Variants in CDH13 observed in about 807,000 individuals in gnomAD.
CDH13 encodes cadherin 13.
A neutral mutation model predicts 63.8 loss-of-function variants in CDH13; 24 were observed. That is an observed-to-expected ratio of 0.38 (90% CI 0.27 to 0.53). The LOEUF (loss-of-function observed/expected upper bound fraction) is 0.53, where lower values mean the gene tolerates loss of function less well. Among genes scored for constraint, CDH13 ranks in the 20% least tolerant of loss-of-function variants. The pLI, the probability that CDH13 is intolerant of heterozygous loss-of-function variation, is 0.85. For synonymous variants in CDH13, 503 were observed against 355.3 expected, an observed-to-expected ratio of 1.42 and a Z score of -4.67; for missense variants, 1,049 against 903.1, an observed-to-expected ratio of 1.16 and a Z score of -2.07.
chr16:83,145,982 T>C (rs1597414139), intron 4 of CDH13, among the ~76,000 whole-genome samples: 1 of 151,842 alleles, frequency 6.6e-6, no homozygotes, highest in Non-Finnish European at 1.5e-5. Context: ...TTACCTGAGG[T>C]CGGGAGTTCG....
chr16:83,117,300 A>T (rs988424174), intron 3 of CDH13, among the ~76,000 whole-genome samples: 1 of 152,104 alleles, frequency 6.6e-6, no homozygotes, highest in Non-Finnish European at 1.5e-5. Flanking sequence ...TGCCCACGCC[A>T]GCAGCTGCCA....
At chr16:83,256,845 A>C (rs1320904238) in intron 5 of CDH13, among the ~76,000 whole-genome samples, 1 of 3,584 alleles carries the variant, frequency 2.8e-4, no homozygotes, top group East Asian at 0.015. Flanking sequence ...ACTCCATCTC[A>C]AAAAAAAAAA....
chr16:83,054,803 G>C (rs916450616), intron 3 of CDH13, among the ~76,000 whole-genome samples: 5 of 151,924 alleles, frequency 3.3e-5, no homozygotes, highest in Admixed American at 2.6e-4. Context: ...ATATAAAAAA[G>C]AGTAATAAAA....
chr16:83,412,277 C>G (rs961058009), intron 6 of CDH13, among the ~76,000 whole-genome samples: 1 of 152,136 alleles, frequency 6.6e-6, no homozygotes, highest in Non-Finnish European at 1.5e-5. Context: ...GCTTGGCCAA[C>G]ACGGTGAAAC....
chr16:83,354,951 C>G (rs2091024362), intron 6 of CDH13, among the ~76,000 whole-genome samples: 1 of 152,206 alleles, frequency 6.6e-6, no homozygotes, highest in Non-Finnish European at 1.5e-5. Flanking sequence ...GGGACACAGA[C>G]TGTATATTCC....
intron 6 of CDH13, among the ~76,000 whole-genome samples, chr16:83,420,099 A>G (rs1212248775): frequency 6.6e-6 from 1 of 152,166 alleles, no homozygotes; most frequent in African/African-American, 2.4e-5. Flanking sequence ...TGAGCAGAAT[A>G]AAAAATATAA....
At chr16:83,102,180 G>A (rs1030282232) in intron 3 of CDH13, among the ~76,000 whole-genome samples, 1 of 152,288 alleles carries the variant, frequency 6.6e-6, no homozygotes, top group African/African-American at 2.4e-5. Flanking sequence ...ACCTTCTGGT[G>A]TACATCTTCC....
intron 7 of CDH13, among the ~76,000 whole-genome samples, chr16:83,559,037 T>A (rs2075652667): frequency 6.6e-6 from 1 of 151,998 alleles, no homozygotes; most frequent in Non-Finnish European, 1.5e-5. Flanking sequence ...TCTCCAGGAG[T>A]TCCTGGTGGG....
intron 5 of CDH13, among the ~76,000 whole-genome samples, chr16:83,342,834 T>A (rs958647473): frequency 7.0e-6 from 1 of 142,148 alleles, no homozygotes; most frequent in African/African-American, 2.6e-5. Flanking sequence ...ACAGTGTTTT[T>A]TTGTTTCTGT....
chr16:82,979,431 A>G (rs1408545529), intron 2 of CDH13, among the ~76,000 whole-genome samples: 3 of 152,058 alleles, frequency 2.0e-5, no homozygotes, highest in African/African-American at 4.8e-5. Flanking sequence ...TGTAATCCCT[A>G]CATGTGGTGG....
At chr16:83,433,783 A>G (rs1260292662) in intron 6 of CDH13, among the ~76,000 whole-genome samples, 2 of 152,240 alleles carry the variant, frequency 1.3e-5, no homozygotes, top group Middle Eastern at 3.2e-3. Flanking sequence ...TTATGCAAGA[A>G]CCGTGCAGCA....
At chr16:82,701,130 A>G (rs75755024) in intron 1 of CDH13, among the ~76,000 whole-genome samples, 2 of 152,026 alleles carry the variant, frequency 1.3e-5, no homozygotes, top group Non-Finnish European at 2.9e-5. Flanking sequence ...CCAAAGTTAG[A>G]AACTTCTGAG....
chr16:83,033,801 A>T (rs867961197), intron 3 of CDH13, among the ~76,000 whole-genome samples: 1 of 152,232 alleles, frequency 6.6e-6, no homozygotes, highest in Non-Finnish European at 1.5e-5. Context: ...GGAGGGCAAG[A>T]CACACAGCAG....
chr16:83,761,377 G>C (rs1913954493), intron 11 of CDH13, among the ~76,000 whole-genome samples: 1 of 152,316 alleles, frequency 6.6e-6, no homozygotes, highest in South Asian at 2.1e-4. Context: ...AAAATCCTTG[G>C]CTAGATTACA....
intron 8 of CDH13, among the ~76,000 whole-genome samples, chr16:83,635,930 T>G (rs1180840708): frequency 6.6e-6 from 1 of 152,210 alleles, no homozygotes; most frequent in Non-Finnish European, 1.5e-5. Context: ...CAAATTTTTA[T>G]AGTTGTATTT....
intron 7 of CDH13, among the ~76,000 whole-genome samples, chr16:83,590,756 C>T (rs868776024): frequency 1.3e-5 from 2 of 152,114 alleles, no homozygotes; most frequent in South Asian, 2.1e-4. Flanking sequence ...ACAATGCTAA[C>T]CGAAGTGTGC....
In CDH13 at chr16:83,783,458, T is replaced by A. The variant is rs1911860139; in HGVS notation, c.2120T>A (p.Leu707His). Residue 707 changes from leucine to histidine, a missense_variant, in exon 13 of 14, where the codon CTC becomes CAC. Physicochemically the swap from Leu to His is moderately conservative, Grantham distance 99. Transcript: ENST00000567109. Reference sequence around the variant, plus strand: ...CTGCCCTCAGTCCTGCTCCTCAGCCTCTTCAGCTTAGCTTGTAAGTTGACC... The same window carrying A: ...CTGCCCTCAGTCCTGCTCCTCAGCCACTTCAGCTTAGCTTGTAAGTTGACC... Reference protein sequence around the residue: ...FSLPSVLLLSLFSLACL With the variant: ...FSLPSVLLLSHFSLACL 6.2e-7 allele frequency: 1 copy of A among 1,613,798 alleles called. No homozygotes were observed. Among genetic ancestry groups the A allele is most frequent in the African/African-American group, 1.3e-5 (1 of 74,930 alleles).
At chr16:83,349,009 G>A (rs1429786040) in intron 6 of CDH13, among the ~76,000 whole-genome samples, 1 of 152,102 alleles carries the variant, frequency 6.6e-6, no homozygotes, top group Non-Finnish European at 1.5e-5. Flanking sequence ...GAATGCCCTC[G>A]GCACCAATCT....
intron 1 of CDH13, among the ~76,000 whole-genome samples, chr16:82,814,657 T>G (rs529208629): frequency 6.6e-6 from 1 of 152,332 alleles, no homozygotes; most frequent in Non-Finnish European, 1.5e-5. Flanking sequence ...TTTGTAATAT[T>G]CTTTATAATA....
Sources: allele counts gnomAD v4.1 joint callset (sites outside exome capture counted in the v4.1 genomes callset), GRCh38; gene constraint gnomAD v4.1.1; transcripts MANE v1.5; gene names NCBI Gene and HGNC (gene_info 2026-07-23, HGNC 2026-07-21).